The following TIAM1 variants were observed in gnomAD, a reference collection of about 807,000 sequenced individuals.
The protein encoded by TIAM1 is TIAM Rac1 associated GEF 1.
A neutral mutation model predicts 163.5 loss-of-function variants in TIAM1; 65 were observed. That is an observed-to-expected ratio of 0.40 (90% CI 0.33 to 0.49). The LOEUF is 0.49. Ranked by LOEUF, TIAM1 falls within the 20% of genes least tolerant of loss-of-function variation. The pLI is 0.77. For synonymous variants in TIAM1, 833 were observed against 810.1 expected, an observed-to-expected ratio of 1.03 and a Z score of -0.48; for missense variants, 1,789 against 2,044.7, an observed-to-expected ratio of 0.87 and a Z score of 2.41.
chr21:31,168,704 G>A (rs1188097390), intron 15 of TIAM1, among the ~76,000 whole-genome samples: 1 of 152,116 alleles, frequency 6.6e-6, no homozygotes, highest in African/African-American at 2.4e-5. Flanking sequence ...CAGGCCCCCT[G>A]ACATTCTAAT....
rs2071822870 is a variant in TIAM1, at chr21:31,251,819, A to G, written c.1334T>C (p.Phe445Ser). 1 of 1,613,232 alleles carries G rather than the reference A, an allele frequency of 6.2e-7. No individual in the cohort carries two copies. Among genetic ancestry groups the G allele is most frequent in the Non-Finnish European group, 8.5e-7 (1 of 1,179,450 alleles). The change falls in exon 5 of 28, where the codon TTC (phenylalanine) becomes TCC (serine). Residue 445 changes from phenylalanine to serine, a missense_variant. By Grantham distance (155) the Phe-to-Ser change is radical. This residue lies in a region of TIAM1 where 456 missense variants were observed against 586.6 expected (regional missense o/e 0.78). Coordinates refer to ENST00000541036, the MANE Select transcript of TIAM1 (RefSeq NM_001353694.2). ...CTTCTTGTTCTTCTTGTGCACCAGG[A>G]AGTTCTTGACGGCCAGGGCGCCGGC... The part of the protein sequence containing the change: ...RKAGALAVKN[F>S]LVHKKNKKVE...
chr21:31,501,858 C>T (rs867290574), intron 1 of TIAM1, among the ~76,000 whole-genome samples: 86 of 146,426 alleles, frequency 5.9e-4, no homozygotes, highest in Middle Eastern at 3.2e-3. Context: ...CCACCTCGGC[C>T]TCCCAAAGTG....
chr21:31,417,163 C>T (rs927549027), intron 2 of TIAM1, among the ~76,000 whole-genome samples: 1 of 152,180 alleles, frequency 6.6e-6, no homozygotes, highest in African/African-American at 2.4e-5. Context: ...GCTGGGACTA[C>T]AGGCATGCGC....
chr21:31,450,031 C>A (rs553143599), intron 2 of TIAM1, among the ~76,000 whole-genome samples: 9 of 152,154 alleles, frequency 5.9e-5, no homozygotes, highest in Non-Finnish European at 1.5e-5. Flanking sequence ...CTTCCCTCCC[C>A]ACAGAATATA....
chr21:31,160,422 A>G, intron 16 of TIAM1: 1 of 398,632 alleles, frequency 2.5e-6, no homozygotes, highest in Non-Finnish European at 4.4e-6. Context: ...GCAAGATAGG[A>G]TTCAAACAGC....
At chr21:31,464,726 C>A (rs557773283) in intron 1 of TIAM1, among the ~76,000 whole-genome samples, 24 of 151,846 alleles carry the variant, frequency 1.6e-4, no homozygotes, top group Admixed American at 9.2e-4. Flanking sequence ...ACCTGTAATC[C>A]CAACTACTTG....
intron 2 of TIAM1, among the ~76,000 whole-genome samples, chr21:31,458,425 AAAAAAG>A (rs897654053): frequency 1.3e-5 from 2 of 152,250 alleles, no homozygotes; most frequent in Admixed American, 6.5e-5. Context: ...CATCTCAAAA[AAAAAAG>A]AAAAAGAAAA....
At chr21:31,466,256 G>A (rs533110460) in intron 1 of TIAM1, among the ~76,000 whole-genome samples, 9 of 152,320 alleles carry the variant, frequency 5.9e-5, no homozygotes, top group South Asian at 4.1e-4. Flanking sequence ...CCGGGGAGGC[G>A]TCTGTGGAGG....
chr21:31,298,965 C>T (rs1270915750), intron 2 of TIAM1, among the ~76,000 whole-genome samples: 2 of 152,128 alleles, frequency 1.3e-5, no homozygotes, highest in South Asian at 2.1e-4. Context: ...TAAATGTTAT[C>T]GGAGGAGGGA....
chr21:31,220,591 TCA>T (rs2087502772), intron 8 of TIAM1, among the ~76,000 whole-genome samples: 1 of 152,240 alleles, frequency 6.6e-6, no homozygotes, highest in Admixed American at 6.5e-5. Context: ...ATAAATATTC[TCA>T]GTTATCAGCT....
chr21:31,339,573 T>C (rs1036010085), intron 1 of TIAM1, among the ~76,000 whole-genome samples, 151 bp from the exon 2 acceptor site: 2 of 152,244 alleles, frequency 1.3e-5, no homozygotes, highest in Non-Finnish European at 2.9e-5. Flanking sequence ...AGTATGGATA[T>C]TTTGATAAGC....
chr21:31,139,477 G>A (rs2082748900), intron 22 of TIAM1, among the ~76,000 whole-genome samples: 1 of 151,992 alleles, frequency 6.6e-6, no homozygotes, highest in Non-Finnish European at 1.5e-5. Context: ...TTACCTTCAA[G>A]ATATAACTAA....
At chr21:31,455,469 G>A (rs146528153) in intron 2 of TIAM1, among the ~76,000 whole-genome samples, 1 of 151,084 alleles carries the variant, frequency 6.6e-6, no homozygotes, top group African/African-American at 2.4e-5. Context: ...CTGGAGTGCA[G>A]TGGTATGATC....
At chr21:31,261,277 TGTA>T (rs1569124358) in intron 4 of TIAM1, among the ~76,000 whole-genome samples, 1 of 150,876 alleles carries the variant, frequency 6.6e-6, no homozygotes, top group African/African-American at 2.5e-5. Flanking sequence ...TTTTTTTTTT[TGTA>T]TCTGTACCAA....
intron 2 of TIAM1, among the ~76,000 whole-genome samples, chr21:31,454,356 A>C (rs1243473921): frequency 6.6e-6 from 1 of 152,224 alleles, no homozygotes; most frequent in African/African-American, 2.4e-5. Context: ...AGATCTCATA[A>C]GGTTAAAAAT....
intron 1 of TIAM1, among the ~76,000 whole-genome samples, chr21:31,517,710 G>A (rs2047430751): frequency 6.6e-6 from 1 of 152,144 alleles, no homozygotes; most frequent in Non-Finnish European, 1.5e-5. Context: ...TGCAAGAAGG[G>A]CACTCTGACC....
chr21:31,235,732 A>C (rs1181744830), intron 6 of TIAM1, among the ~76,000 whole-genome samples: 1 of 152,222 alleles, frequency 6.6e-6, no homozygotes, highest in Admixed American at 6.5e-5. Context: ...TAATGTAAGA[A>C]AAGGAAGAAT....
chr21:31,472,480 T>C (rs554144521), intron 1 of TIAM1, among the ~76,000 whole-genome samples: 9 of 152,206 alleles, frequency 5.9e-5, no homozygotes, highest in African/African-American at 2.2e-4. Context: ...TGAGCCGAGA[T>C]CGTGCCACTG....
intron 2 of TIAM1, among the ~76,000 whole-genome samples, chr21:31,389,800 G>A (rs1287195166): frequency 6.6e-6 from 1 of 152,108 alleles, no homozygotes; most frequent in South Asian, 2.1e-4. Flanking sequence ...ATCTATCTTA[G>A]CCCTGGTATT....
Sources: allele counts gnomAD v4.1 joint callset (sites outside exome capture counted in the v4.1 genomes callset), GRCh38; gene constraint gnomAD v4.1.1; regional missense constraint gnomAD v4.1.1; transcripts MANE v1.5; gene names NCBI Gene and HGNC (gene_info 2026-07-23, HGNC 2026-07-21).